The following CALN1 variants were observed in gnomAD, a reference collection of about 807,000 sequenced individuals.
The protein encoded by CALN1 is calcium-binding protein 8.
CALN1 carries 17 observed loss-of-function variants against 30.6 expected under a neutral mutation model. The observed-to-expected ratio is 0.56, with a 90% CI of 0.38 to 0.83. The LOEUF is 0.83. Among genes scored for constraint, CALN1 ranks in the 40% least tolerant of loss-of-function variants. The probability of loss-of-function intolerance (pLI) is 0.00; values close to 1 mark genes in which losing one functional copy is unlikely to be tolerated. For missense variants in CALN1, 291 were observed against 354.9 expected (o/e 0.82, Z 1.45); for synonymous variants, 156 against 131.4 (o/e 1.19, Z -1.28).
chr7:72,501,948 T>TATATATGTACAC, the CALN1 span, among the ~76,000 whole-genome samples: 1 of 72,366 alleles, frequency 1.4e-5, no homozygotes, highest in Admixed American at 1.7e-4. Flanking sequence ...TATATATATA[T>TATATATGTACAC]ACACACATAT....
intron 5 of CALN1, among the ~76,000 whole-genome samples, chr7:71,881,198 C>T (rs1584434689): frequency 6.6e-6 from 1 of 152,292 alleles, no homozygotes; most frequent in Non-Finnish European, 1.5e-5. Context: ...GCTCTCAGGC[C>T]TTTTGGCCAC....
At chr7:72,180,762 C>T (rs1023086931) in intron 3 of CALN1, among the ~76,000 whole-genome samples, 1 of 151,586 alleles carries the variant, frequency 6.6e-6, no homozygotes, top group Admixed American at 6.6e-5. Context: ...CCTACCACGC[C>T]GGGCTTGTTT....
chr7:72,493,639 G>A, the CALN1 span, among the ~76,000 whole-genome samples: 2 of 152,098 alleles, frequency 1.3e-5, no homozygotes, highest in African/African-American at 4.8e-5. Context: ...ACACCTGGCC[G>A]ATTAATTATT....
chr7:72,048,251 C>T (rs1026845419), intron 4 of CALN1, among the ~76,000 whole-genome samples: 2 of 152,030 alleles, frequency 1.3e-5, no homozygotes, highest in Admixed American at 6.6e-5. Context: ...GTTGGCCAGG[C>T]AGGACTTGAA....
chr7:71,924,855 A>G (rs546394826), intron 5 of CALN1, among the ~76,000 whole-genome samples: 1 of 152,328 alleles, frequency 6.6e-6, no homozygotes, highest in South Asian at 2.1e-4. Flanking sequence ...AAAACTATTA[A>G]TTGCTTTAAA....
chr7:72,324,546 T>A (rs1314567790), intron 2 of CALN1, among the ~76,000 whole-genome samples: 1 of 123,532 alleles, frequency 8.1e-6, no homozygotes, highest in Non-Finnish European at 1.8e-5. Context: ...TTTTCCCTCC[T>A]TTTAAATGAT....
chr7:72,267,108 T>C (rs1022228152), intron 3 of CALN1, among the ~76,000 whole-genome samples: 1 of 152,174 alleles, frequency 6.6e-6, no homozygotes, highest in African/African-American at 2.4e-5. Flanking sequence ...TGTCTTCTTG[T>C]AACAGGAATG....
chr7:72,498,136 G>T, the CALN1 span, among the ~76,000 whole-genome samples: 1 of 152,108 alleles, frequency 6.6e-6, no homozygotes, highest in Non-Finnish European at 1.5e-5. Context: ...TTATCCAAAA[G>T]TAATCCAATG....
intron 3 of CALN1, among the ~76,000 whole-genome samples, chr7:72,126,714 T>C (rs1416457301): frequency 2.0e-5 from 3 of 151,890 alleles, no homozygotes; most frequent in Non-Finnish European, 4.4e-5. Flanking sequence ...TGATATTTGG[T>C]TTTCCATTCC....
At chr7:71,834,230 A>C (rs1789466685) in intron 5 of CALN1, among the ~76,000 whole-genome samples, 1 of 141,186 alleles carries the variant, frequency 7.1e-6, no homozygotes. Flanking sequence ...AAAAAAAAAA[A>C]AAAAAAAAAC....
intron 5 of CALN1, among the ~76,000 whole-genome samples, chr7:71,959,631 T>A (rs1409378115): frequency 6.6e-6 from 1 of 151,940 alleles, no homozygotes; most frequent in Non-Finnish European, 1.5e-5. Context: ...GCTTTTTTTT[T>A]TTTTTAAGTG....
intron 2 of CALN1, among the ~76,000 whole-genome samples, chr7:72,315,637 C>T (rs1034072381): frequency 1.1e-4 from 17 of 151,308 alleles, no homozygotes; most frequent in Admixed American, 2.0e-4. Flanking sequence ...CCCAGGAGTT[C>T]GAGGCTGCAG....
intron 5 of CALN1, among the ~76,000 whole-genome samples, chr7:72,010,418 G>C (rs60274443): frequency 6.6e-6 from 1 of 152,120 alleles, no homozygotes; most frequent in Non-Finnish European, 1.5e-5. Flanking sequence ...AAACCACCTA[G>C]ACTCTTGCTA....
intron 5 of CALN1, among the ~76,000 whole-genome samples, chr7:72,005,995 T>C (rs1263632720): frequency 2.0e-5 from 3 of 152,230 alleles, no homozygotes; most frequent in Admixed American, 2.0e-4. Context: ...TGTATCAATA[T>C]CAAAATCTCA....
chr7:72,471,819 G>T, the CALN1 span, among the ~76,000 whole-genome samples: 2 of 152,108 alleles, frequency 1.3e-5, no homozygotes, highest in African/African-American at 4.8e-5. Flanking sequence ...GTTTGTTTTT[G>T]AGGCAGAGTC....
intron 2 of CALN1, among the ~76,000 whole-genome samples, chr7:72,311,239 ATTTTC>A (rs1800025135): frequency 6.6e-6 from 1 of 152,120 alleles, no homozygotes; most frequent in African/African-American, 2.4e-5. Flanking sequence ...CCTTAATAAC[ATTTTC>A]TTTTACTAAT....
At chr7:71,815,363 C>T (rs1788200167) in intron 5 of CALN1, among the ~76,000 whole-genome samples, 2 of 152,100 alleles carry the variant, frequency 1.3e-5, no homozygotes, top group African/African-American at 4.8e-5. Flanking sequence ...CAACTGAGAG[C>T]CAAAGTGATA....
At position 72,291,677 on chromosome 7, in the gene CALN1, G is replaced by A. The variant is rs970113048; in HGVS notation, c.120-12867C>T. Among the ~76,000 whole-genome samples the A allele has an allele frequency of 2.6e-5, 4 of 152,182 alleles. No individual in the cohort carries two copies. The East Asian group carries it at 5.8e-4, about 22-fold the overall frequency. ...TGGAGACTGAGTCTAGCTCCCACCT[G>A]TAAGTGAAAACTGTAACCTCCACCT... is the stretch of plus-strand genomic sequence containing the variant. On this transcript the variant is annotated intron_variant, in intron 2 of 6. Coordinates refer to ENST00000395275, the MANE Select transcript of CALN1 (RefSeq NM_031468.4).
intron 2 of CALN1, among the ~76,000 whole-genome samples, chr7:72,399,039 C>CT (rs1806164664): frequency 6.6e-6 from 1 of 151,984 alleles, no homozygotes; most frequent in Admixed American, 6.5e-5. Context: ...CTTGTGAGAA[C>CT]TTTGAGAAAA....
Sources: gnomAD v4.1 joint callset for allele counts (sites outside exome capture counted in the v4.1 genomes callset) on GRCh38, gnomAD v4.1.1 for gene constraint, MANE v1.5 for transcripts, NCBI Gene and HGNC (gene_info 2026-07-23, HGNC 2026-07-21) for gene names.